Variants in MUC5AC observed in about 807,000 individuals in gnomAD.
MUC5AC encodes mucin-5AC.
A neutral mutation model predicts 169.7 loss-of-function variants in MUC5AC; 158 were observed. The observed-to-expected ratio is 0.93, with a 90% CI of 0.82 to 1.06. The LOEUF is 1.06. Among genes scored for constraint, MUC5AC ranks in the 50% least tolerant of loss-of-function variants. The pLI is 0.00. For missense variants in MUC5AC, 4,359 were observed against 3,089.9 expected (o/e 1.41, Z -9.74); for synonymous variants, 1,975 against 1,237.0 (o/e 1.60, Z -12.52).
rs769498694 is a variant in MUC5AC, at chr11:1,164,056, G to A, written c.790-50G>A. 3.2e-4 allele frequency: 521 copies of A among 1,609,376 alleles called. 1 individual carries two copies. Among genetic ancestry groups the A allele is most frequent in the Non-Finnish European group, 4.0e-4 (472 of 1,177,526 alleles). On this transcript the variant is annotated intron_variant, in intron 7 of 48. Coordinates refer to ENST00000621226, the MANE Select transcript of MUC5AC (RefSeq NM_001304359.2). Reference sequence around the variant, plus strand: ...AGGAGGGGTTGTGAGCCTGGGAACCGGTCCAGATCCCCCACCGAGGACTCA... The same window carrying A: ...AGGAGGGGTTGTGAGCCTGGGAACCAGTCCAGATCCCCCACCGAGGACTCA...
chr11:1,197,685 C>A, intron 41 of MUC5AC, 46 bp downstream of exon 41: 1 of 654,830 alleles, frequency 1.5e-6, no homozygotes, highest in Non-Finnish European at 2.8e-6. Flanking sequence ...AGGCAGGTGA[C>A]CCGGAGCCCA....
rs773114226 is a variant in MUC5AC at position 1,161,533 on chromosome 11, C to T, written c.158C>T (p.Pro53Leu). The change falls in exon 3 of 49, where the codon CCG (proline) becomes CTG (leucine). Residue 53 changes from proline (P) to leucine (L), a missense_variant. By Grantham distance (98) the Pro-to-Leu change is moderately conservative (BLOSUM62 -3). Transcript: ENST00000621226. ...SPIARGPSGV[P>L]LRGATVFPSL... ...CCAGCCCCTGTCTCCGCAGGGGTCC[C>T]GCTCCGTGGGGCGACTGTCTTCCCA... 81 of 1,606,818 alleles carry T rather than the reference C, an allele frequency of 5.0e-5. No homozygotes were observed. The highest frequency in any genetic ancestry group is 1.7e-4 in the African/African-American group (13 of 74,820).
Position 1,181,308 on chromosome 11 carries a change from A to C in MUC5AC, c.3858A>C (p.Pro1286=), listed in dbSNP as rs1281479088. The C allele has an allele frequency of 1.8e-5, 7 of 398,524 alleles. No homozygotes were observed. The highest frequency in any genetic ancestry group is 3.1e-5 in the Non-Finnish European group (7 of 226,058). The allele number at this position is 398,524 out of a possible 1,614,324, so 24.7% of individuals were successfully genotyped here. ...VCTYNGQRFH[P]GDVIYHTTDG... ...CCTACAATGGACAGCGCTTCCACCC[A>C]GGGGACGTCATCTACCACACGACGG... The change falls in exon 30 of 49, where the codon CCA becomes CCC. Residue 1286 remains proline, a synonymous_variant. Transcript: ENST00000621226.
At chr11:1,169,851 G>GACTCACCC (rs1860447604) in intron 15 of MUC5AC, among the ~76,000 whole-genome samples, 2 of 28,520 alleles carry the variant, frequency 7.0e-5, no homozygotes, top group Admixed American at 3.6e-4. Context: ...CCCACTCACC[G>GACTCACCC]ACTCACCCAT....
Position 1,190,957 on chromosome 11 carries a change from C to T in MUC5AC, c.12812C>T (p.Thr4271Ile). The T allele has an allele frequency of 1.4e-6, 1 of 740,388 alleles. No individual in the cohort carries two copies. The highest frequency in any genetic ancestry group is 1.4e-5 in the South Asian group (1 of 71,372). The allele number at this position is 740,388 out of a possible 1,614,324, so 45.9% of individuals were successfully genotyped here. A position where few individuals can be genotyped will look rare whatever the true frequency, so the allele number is the denominator to read the frequency against. ...ACCAGTACAACCTCTGCTGCTACAA[C>T]CAGCACAACCTCTGCTCCTACAACC... ...PSTSTTSAATTSTTSAPTTRT... is the reference protein window; with the variant it reads ...PSTSTTSAATISTTSAPTTRT... Residue 4271 changes from threonine to isoleucine, a missense_variant, in exon 31 of 49, where the codon ACC (threonine) becomes ATC (isoleucine). Physicochemically the swap from Thr to Ile is moderately conservative, Grantham distance 89 (BLOSUM62 -1). Transcript: ENST00000621226.
At chr11:1,173,398 TACTC>T (rs1318654001) in intron 16 of MUC5AC, among the ~76,000 whole-genome samples, 21 of 146,028 alleles carry the variant, frequency 1.4e-4, no homozygotes, top group East Asian at 1.3e-3. Context: ...TTCACTCATT[TACTC>T]ACTCACTAAT....
intron 15 of MUC5AC, 180 bp downstream of exon 15, chr11:1,169,206 C>T (rs1860424787): frequency 1.0e-6 from 1 of 966,936 alleles, no homozygotes; most frequent in South Asian, 4.8e-5. Context: ...TGTGGAGCTT[C>T]AGGAATGTGG....
At chr11:1,159,458 C>A (rs1860061114) in intron 1 of MUC5AC, among the ~76,000 whole-genome samples, 1 of 144,160 alleles carries the variant, frequency 6.9e-6, no homozygotes, top group African/African-American at 2.6e-5. Context: ...TCCCCCCATG[C>A]TGGGGTGCTG....
chr11:1,177,359 G>T lies in MUC5AC; in HGVS notation c.2907+15G>T. ...TTTTCCTGGGGGTGAGCGAGGCTGG[G>T]TGGTCGCATGCCCTCCAGGAGGCTC... On this transcript the variant is annotated intron_variant, in intron 23 of 48. Transcript: ENST00000621226. The T allele has an allele frequency of 2.3e-6, 1 of 431,016 alleles. No individual in the cohort carries two copies. The allele number at this position is 431,016 out of a possible 1,614,324, so 26.7% of individuals were successfully genotyped here. A position where few individuals can be genotyped will look rare whatever the true frequency, so the allele number is the denominator to read the frequency against.
At position 1,185,503 on chromosome 11, in the gene MUC5AC, G is replaced by C. The variant is rs1236749811; in HGVS notation, c.7358G>C (p.Ser2453Thr). The change falls in exon 31 of 49, where the codon AGC (serine) becomes ACC (threonine). Residue 2453 changes from serine to threonine, a missense_variant. Coordinates refer to ENST00000621226, the MANE Select transcript of MUC5AC (RefSeq NM_001304359.2). ...STTSGPGTTP[S>T]PVPTTSTTSA... ...ACTTCTGGTCCTGGAACTACCCCAAGCCCTGTTCCCACGACCAGCACAACC... is the reference window on the plus strand; with the variant it reads ...ACTTCTGGTCCTGGAACTACCCCAACCCCTGTTCCCACGACCAGCACAACC... The C allele has an allele frequency of 1.2e-5, 9 of 721,508 alleles. No individual in the cohort carries two copies. The African/African-American group carries it at 1.6e-4, about 13-fold the overall frequency. 44.7% of individuals were successfully genotyped at this position (721,508 alleles called of 1,614,324 possible). A position where few individuals can be genotyped will look rare whatever the true frequency, so the allele number is the denominator to read the frequency against.
chr11:1,198,941 C>G lies in MUC5AC; in HGVS notation c.16241C>G (p.Ser5414Trp), dbSNP rs565629397. The G allele has an allele frequency of 1.3e-6, 1 of 762,828 alleles. No homozygotes were observed. The highest frequency in any genetic ancestry group is 2.4e-6 in the Non-Finnish European group (1 of 417,040). 47.3% of individuals were successfully genotyped at this position (762,828 alleles called of 1,614,324 possible). A position where few individuals can be genotyped will look rare whatever the true frequency, so the allele number is the denominator to read the frequency against. The change falls in exon 44 of 49, where the codon TCG (serine) becomes TGG (tryptophan). Residue 5414 changes from serine to tryptophan, a missense_variant. Physicochemically the swap from Ser to Trp is radical, Grantham distance 177 (BLOSUM62 -3). Coordinates refer to ENST00000621226, the MANE Select transcript of MUC5AC (RefSeq NM_001304359.2). ...TGTGAGCTGCCGGGTGGCCCCCCAT[C>G]GGACGCGTTTGTGGTCAGCTGTGAG... ...CRCELPGGPP[S>W]DAFVVSCETQ... is the part of the protein sequence containing the mutation.
At chr11:1,198,739 G>A (rs1861346816) in intron 43 of MUC5AC, 135 bp from the exon 44 acceptor site, 3 of 632,696 alleles carry the variant, frequency 4.7e-6, no homozygotes, top group Admixed American at 2.4e-5. Flanking sequence ...CACCCCAGGG[G>A]TGCAACTCGG....
Position 1,193,521 on chromosome 11 carries a change from G to T in MUC5AC, c.14617G>T (p.Ala4873Ser). ...ETWATPNCSE[A>S]TCEGNNVISL... ...CTGGGCCACACCCAACTGCTCCGAG[G>T]CCACCTGTGAGGGCAACAACGTCAT... is the stretch of plus-strand genomic sequence containing the variant. The change falls in exon 33 of 49, where the codon GCC becomes TCC. Residue 4873 changes from alanine (A) to serine (S), a missense_variant. Transcript: ENST00000621226. 4.0e-6 allele frequency: 3 copies of T among 757,546 alleles called. No individual in the cohort carries two copies. Among genetic ancestry groups the T allele is most frequent in the Admixed American group, 1.7e-5 (1 of 57,798 alleles). The allele number at this position is 757,546 out of a possible 1,614,324, so 46.9% of individuals were successfully genotyped here.
intron 28 of MUC5AC, among the ~76,000 whole-genome samples, chr11:1,180,733 G>A (rs1432324392): frequency 4.0e-5 from 6 of 151,646 alleles, no homozygotes; most frequent in African/African-American, 1.5e-4. Flanking sequence ...CTGGGTGTAG[G>A]GCTCCTCTGG....
chr11:1,163,033 C>T lies in MUC5AC; in HGVS notation c.667C>T (p.Leu223Phe). ...DFNGMPVVSE[L>F]LSHNTKLTPM... is the part of the protein sequence containing the mutation. Reference sequence around the variant, plus strand: ...CAACGGGATGCCCGTGGTCAGCGAGCTCCTCTCCCACAGTAAGGCCCCACA... The same window carrying T: ...CAACGGGATGCCCGTGGTCAGCGAGTTCCTCTCCCACAGTAAGGCCCCACA... Residue 223 changes from leucine (L) to phenylalanine (F), a missense_variant, in exon 6 of 49, where the codon CTC (leucine) becomes TTC (phenylalanine). Coordinates refer to ENST00000621226, the MANE Select transcript of MUC5AC (RefSeq NM_001304359.2). The T allele has an allele frequency of 6.2e-7, 1 of 1,612,626 alleles. No individual in the cohort carries two copies.
chr11:1,167,726 G>C (rs1564908559), intron 11 of MUC5AC, 151 bp from the exon 12 acceptor site: 1 of 668,146 alleles, frequency 1.5e-6, no homozygotes, highest in Non-Finnish European at 2.6e-6. Context: ...CCACACCTGG[G>C]GGCCTCCTAG....
At chr11:1,167,506 G>A (rs576041395) in intron 11 of MUC5AC, among the ~76,000 whole-genome samples, 1 of 152,222 alleles carries the variant, frequency 6.6e-6, no homozygotes, top group South Asian at 2.1e-4. Context: ...AGACAGATGT[G>A]CAGTGTCTTG....
At chr11:1,179,613 C>T (rs1298732397) in intron 26 of MUC5AC, among the ~76,000 whole-genome samples, 1 of 123,250 alleles carries the variant, frequency 8.1e-6, no homozygotes, top group African/African-American at 2.9e-5. Context: ...GCAGAGCTGC[C>T]CAGCTCTAGG....
At position 1,190,780 on chromosome 11, in the gene MUC5AC, C is replaced by G; in HGVS notation, c.12635C>G (p.Ala4212Gly). The change falls in exon 31 of 49, where the codon GCT becomes GGT. Residue 4212 changes from alanine (A) to glycine (G), a missense_variant. Coordinates refer to ENST00000621226, the MANE Select transcript of MUC5AC (RefSeq NM_001304359.2). ...ACTCCACAGACCAGCAAAACCTCAG[C>G]TGCTACAAGCAGCACAACCTCCGGT... is the stretch of plus-strand genomic sequence containing the variant. ...TSTPQTSKTS[A>G]ATSSTTSGSG... is the part of the protein sequence containing the mutation. The G allele has an allele frequency of 1.4e-6, 1 of 711,508 alleles. No individual in the cohort carries two copies. Among genetic ancestry groups the G allele is most frequent in the East Asian group, 2.6e-5 (1 of 37,824 alleles). 44.1% of individuals were successfully genotyped at this position (711,508 alleles called of 1,614,324 possible).
Sources: gnomAD v4.1 joint callset for allele counts (sites outside exome capture counted in the v4.1 genomes callset) on GRCh38, gnomAD v4.1.1 for gene constraint, MANE v1.5 for transcripts, NCBI Gene and HGNC (gene_info 2026-07-23, HGNC 2026-07-21) for gene names.